The following CEP290 variants were observed in gnomAD, a reference collection of about 807,000 sequenced individuals.
The protein encoded by CEP290 is centrosomal protein of 290 kDa.
Under a neutral mutation model 344.9 loss-of-function variants are expected in CEP290, and 317 were observed. The observed-to-expected ratio is 0.92, with a 90% CI of 0.84 to 1.01. The LOEUF is 1.01. Ranked by LOEUF, CEP290 falls within the 50% of genes least tolerant of loss-of-function variation. The pLI, the probability that CEP290 is intolerant of heterozygous loss-of-function variation, is 0.00. For synonymous variants in CEP290, 932 were observed against 895.8 expected (o/e 1.04, Z -0.72); for missense variants, 2,754 against 2,761.4 (o/e 1.00, Z 0.06).
chr12:88,140,990 A>G lies in CEP290; in HGVS notation c.146T>C (p.Ile49Thr). The change falls in exon 3 of 54, where the codon ATA (isoleucine) becomes ACA (threonine). Residue 49 changes from isoleucine to threonine, a missense_variant. Ile to Thr is a moderately conservative substitution (Grantham distance 89). Coordinates refer to ENST00000552810, the MANE Select transcript of CEP290 (RefSeq NM_025114.4). ...ELKSEKQENV[I>T]HLFRITQSLM... ...TGACTGAGTAATTCTGAAAAGGTGT[A>G]TCACATTTTCTTGCTTTTCACTTTT... The G allele has an allele frequency of 6.3e-7, 1 of 1,592,880 alleles. No individual in the cohort carries two copies. The highest frequency in any genetic ancestry group is 8.5e-7 in the Non-Finnish European group (1 of 1,172,136).
At chr12:88,118,851 G>T in intron 15 of CEP290, 108 bp from the exon 16 acceptor site, 1 of 624,236 alleles carries the variant, frequency 1.6e-6, no homozygotes, top group African/African-American at 1.8e-5. Context: ...CAGTATCACT[G>T]AAGAATGAGG....
In CEP290 at chr12:88,120,198, CA is replaced by C. The variant is rs773111341; in HGVS notation, c.1437del (p.Ile479MetfsTer4). On this transcript the variant is annotated frameshift_variant, in exon 15 of 54. Coordinates refer to ENST00000552810, the MANE Select transcript of CEP290 (RefSeq NM_025114.4). LOFTEE classifies it high-confidence loss of function. ...TTATTGATTTCCTTTGTTAATATTT[CA>C]ATCTCTCGATCTCTTATTTTAATTT... ...KNQIKIRDRE[I>X]EILTKEINKL... is the part of the protein sequence containing the mutation. The C allele has an allele frequency of 7.2e-6, 11 of 1,518,320 alleles. No homozygotes were observed. Among genetic ancestry groups the C allele is most frequent in the Non-Finnish European group, 5.3e-6 (6 of 1,128,664 alleles). The allele number at this position is 1,518,320 out of a possible 1,614,324, so 94.1% of individuals were successfully genotyped here.
chr12:88,130,349 T>C lies in CEP290; in HGVS notation c.588A>G (p.Ser196=). ...GGTAGTCACTGTCTTCCCCTCTTCTTGATAAAAGTGTTTCTTTCTGTGAAT... is the reference window on the plus strand; with the variant it reads ...GGTAGTCACTGTCTTCCCCTCTTCTCGATAAAAGTGTTTCTTTCTGTGAAT... The part of the protein sequence containing the change: ...QIDSQKETLL[S]RRGEDSDYRS... The change falls in exon 9 of 54, where the codon TCA becomes TCG. Residue 196 remains serine (S), a synonymous_variant. Coordinates refer to ENST00000552810, the MANE Select transcript of CEP290 (RefSeq NM_025114.4). 1 of 1,610,632 alleles carries C rather than the reference T, an allele frequency of 6.2e-7. No individual in the cohort carries two copies. Among genetic ancestry groups the C allele is most frequent in the Non-Finnish European group, 8.5e-7 (1 of 1,178,672 alleles).
chr12:88,088,851 A>T (rs928966164), intron 31 of CEP290, among the ~76,000 whole-genome samples, 181 bp downstream of exon 31: 35 of 152,074 alleles, frequency 2.3e-4, no homozygotes, highest in African/African-American at 6.0e-4. Context: ...TAAAAATTTT[A>T]AAAAATTAGG....
At chr12:88,080,948 A>G (rs931087345) in intron 37 of CEP290, among the ~76,000 whole-genome samples, 8 of 152,210 alleles carry the variant, frequency 5.3e-5, no homozygotes, top group African/African-American at 1.9e-4. Context: ...AATCTTATCA[A>G]GTTATTTTGT....
intron 51 of CEP290, 145 bp downstream of exon 51, chr12:88,054,195 G>C (rs901648363): frequency 5.1e-6 from 3 of 592,254 alleles, no homozygotes; most frequent in Non-Finnish European, 8.8e-6. Flanking sequence ...TAGCATTAGA[G>C]GGAAGAAATA....
intron 26 of CEP290, among the ~76,000 whole-genome samples, chr12:88,099,774 G>A (rs1053120083): frequency 1.3e-5 from 2 of 152,080 alleles, no homozygotes; most frequent in African/African-American, 2.4e-5. Flanking sequence ...GGCTGAGGGT[G>A]TTTTAAATAT....
Position 88,118,621 on chromosome 12 carries a change from ATC to A in CEP290, c.1623+20_1623+21del. On this transcript the variant is annotated intron_variant, in intron 16 of 53. Coordinates refer to ENST00000552810, the MANE Select transcript of CEP290 (RefSeq NM_025114.4). ...TCTCTATAGTTCAGCCAAGAAAATA[ATC>A]AACTGACTACCACACTTGCCTCTTT... 1 of 1,611,428 alleles carries A rather than the reference ATC, an allele frequency of 6.2e-7. No individual in the cohort carries two copies. Among genetic ancestry groups the A allele is most frequent in the Non-Finnish European group, 8.5e-7 (1 of 1,177,866 alleles).
intron 18 of CEP290, 75 bp downstream of exon 18, chr12:88,116,958 A>G (rs1471384084): frequency 1.1e-5 from 8 of 734,560 alleles, no homozygotes; most frequent in Non-Finnish European, 1.7e-5. Context: ...TGGGAGACAG[A>G]GCGAGACTCC....
At position 88,079,111 on chromosome 12, in the gene CEP290, C is replaced by G; in HGVS notation, c.5345G>C (p.Arg1782Pro). ...GTTCACCTTTAGCTCTCTAGTATGT[C>G]GATCAACGATTTGTTGAACATTGAG... ...AHLNVQQIVD[R>P]HTRELKTQVE... The change falls in exon 39 of 54, where the codon CGA becomes CCA. Residue 1782 changes from arginine to proline, a missense_variant. Coordinates refer to ENST00000552810, the MANE Select transcript of CEP290 (RefSeq NM_025114.4). 6.3e-7 allele frequency: 1 copy of G among 1,592,046 alleles called. No homozygotes were observed. Among genetic ancestry groups the G allele is most frequent in the Non-Finnish European group, 8.5e-7 (1 of 1,172,098 alleles).
intron 48 of CEP290, 85 bp from the exon 49 acceptor site, chr12:88,059,105 A>G: frequency 8.6e-7 from 1 of 1,163,468 alleles, no homozygotes; most frequent in Non-Finnish European, 1.2e-6. Flanking sequence ...ATCATTACAA[A>G]TTGGAAAACA....
intron 43 of CEP290, among the ~76,000 whole-genome samples, chr12:88,071,041 T>C (rs189438891): frequency 4.6e-5 from 7 of 152,200 alleles, no homozygotes; most frequent in East Asian, 3.9e-4. Flanking sequence ...ATTAGACCGA[T>C]TGCATGCTAA....
At chr12:88,129,968 T>C in intron 9 of CEP290, 92 bp from the exon 10 acceptor site, 3 of 834,222 alleles carry the variant, frequency 3.6e-6, no homozygotes, top group Middle Eastern at 3.7e-4. Flanking sequence ...ATAAGTGTCC[T>C]CTAGAAAAAA....
At chr12:88,085,948 T>C in intron 34 of CEP290, 91 bp downstream of exon 34, 3 of 1,156,518 alleles carry the variant, frequency 2.6e-6, no homozygotes, top group Admixed American at 2.7e-5. Flanking sequence ...TTCATCATTC[T>C]ATGCATTGCC....
intron 44 of CEP290, among the ~76,000 whole-genome samples, chr12:88,066,651 CATT>C (rs1305302803): frequency 6.7e-6 from 1 of 149,960 alleles, no homozygotes; most frequent in Non-Finnish European, 1.5e-5. Flanking sequence ...TTATCATTAT[CATT>C]ATTATTATTT....
At chr12:88,070,809 T>C (rs2035315642) in intron 43 of CEP290, among the ~76,000 whole-genome samples, 1 of 152,104 alleles carries the variant, frequency 6.6e-6, no homozygotes. Context: ...CCCTATAAAG[T>C]TGTTTATGAA....
chr12:88,051,855 T>C (rs2033572749), intron 52 of CEP290: 1 of 152,196 alleles, frequency 6.6e-6, no homozygotes, highest in African/African-American at 2.4e-5. Flanking sequence ...AGCTGGCTGC[T>C]ATGAGACATA....
rs775973036 is a variant in CEP290 at position 88,093,821 on chromosome 12, C to T, written c.3258G>A (p.Ser1086=). 1.7e-5 allele frequency: 28 copies of T among 1,612,358 alleles called. 1 individual carries two copies. Among genetic ancestry groups the T allele is most frequent in the South Asian group, 3.3e-5 (3 of 90,914 alleles). Residue 1086 remains serine, a synonymous_variant, in exon 28 of 54, where the codon TCG becomes TCA. Transcript: ENST00000552810. ...CQKMYEHLRT[S]LKQMEERNFE... The stretch of plus-strand genomic sequence containing the variant: ...AATTACGTTCCTCCATTTGCTTTAA[C>T]GAAGTCCGTAAGTGTTCATACATTT...
At chr12:88,055,357 A>G (rs2033911137) in intron 50 of CEP290, among the ~76,000 whole-genome samples, 2 of 152,170 alleles carry the variant, frequency 1.3e-5, no homozygotes, top group Admixed American at 6.6e-5. Context: ...GTTTGAAAAT[A>G]GAGCTGACAT....
Sources: gnomAD v4.1 joint callset for allele counts (sites outside exome capture counted in the v4.1 genomes callset) on GRCh38, gnomAD v4.1.1 for gene constraint, MANE v1.5 for transcripts, NCBI Gene and HGNC (gene_info 2026-07-23, HGNC 2026-07-21) for gene names.